LRP1B: variants seen among roughly 807,000 people sequenced by gnomAD.
LRP1B encodes low-density lipoprotein receptor-related protein 1B.
A neutral mutation model predicts 556.6 loss-of-function variants in LRP1B; 217 were observed. That is an observed-to-expected ratio of 0.39 (90% CI 0.35 to 0.44). LRP1B has a LOEUF of 0.44. LRP1B is among the 20% of genes least tolerant of loss of function. The pLI is 1.00. For synonymous variants in LRP1B, 2,047 were observed against 1,865.8 expected (o/e 1.10, Z -2.50); for missense variants, 5,053 against 5,620.8 (o/e 0.90, Z 3.23).
intron 1 of LRP1B, among the ~76,000 whole-genome samples, chr2:142,045,143 A>G (rs200442593): frequency 0.041 from 156 of 3,766 alleles, 1 homozygote; most frequent in African/African-American, 0.053. Flanking sequence ...CCCAAGGGGG[A>G]AAAAAAAAAA....
intron 3 of LRP1B, among the ~76,000 whole-genome samples, chr2:141,389,220 C>T (rs569438812): frequency 6.6e-6 from 1 of 152,240 alleles, no homozygotes; most frequent in Admixed American, 6.5e-5. Flanking sequence ...CTGATTTCAA[C>T]ACTTACAATA....
chr2:141,418,203 T>C (rs1192390116), intron 3 of LRP1B, among the ~76,000 whole-genome samples: 1 of 152,178 alleles, frequency 6.6e-6, no homozygotes, highest in African/African-American at 2.4e-5. Context: ...TTCACTCTGT[T>C]GATTGTTTCC....
chr2:141,540,391 T>C (rs1685216182), intron 2 of LRP1B, among the ~76,000 whole-genome samples: 1 of 152,038 alleles, frequency 6.6e-6, no homozygotes, highest in Non-Finnish European at 1.5e-5. Flanking sequence ...ATAGATGCAT[T>C]TATAAGTGCA....
intron 6 of LRP1B, among the ~76,000 whole-genome samples, chr2:141,201,959 T>C (rs1345892755): frequency 6.6e-6 from 1 of 152,228 alleles, no homozygotes; most frequent in Non-Finnish European, 1.5e-5. Context: ...TTTATATTTA[T>C]TTTTTCAAGT....
chr2:140,664,758 A>G (rs1685210096), intron 41 of LRP1B, among the ~76,000 whole-genome samples: 1 of 152,038 alleles, frequency 6.6e-6, no homozygotes, highest in African/African-American at 2.4e-5. Flanking sequence ...ATTATATCCA[A>G]CGTTCTTAAG....
intron 2 of LRP1B, among the ~76,000 whole-genome samples, chr2:141,654,435 G>A (rs1689923310): frequency 6.6e-6 from 1 of 152,100 alleles, no homozygotes; most frequent in African/African-American, 2.4e-5. Context: ...AGCTAACAGG[G>A]AAATTTATTG....
At chr2:140,458,514 T>G (rs1009387617) in intron 60 of LRP1B, among the ~76,000 whole-genome samples, 6 of 152,088 alleles carry the variant, frequency 3.9e-5, no homozygotes, top group African/African-American at 1.4e-4. Context: ...TGACAAATAA[T>G]AAATGGAGAA....
chr2:141,126,659 T>C (rs1190286294), intron 7 of LRP1B, among the ~76,000 whole-genome samples: 1 of 152,160 alleles, frequency 6.6e-6, no homozygotes, highest in Admixed American at 6.5e-5. Context: ...TCCTTTACCT[T>C]TTCTTCACCC....
In LRP1B at chr2:140,345,879, A is replaced by ATATATATAT. The variant is rs1426120597; in HGVS notation, c.11892+4917_11892+4918insATATATATA. Among the ~76,000 whole-genome samples the ATATATATAT allele has an allele frequency of 6.7e-3, 925 of 137,356 alleles. 10 individuals carry two copies. The highest frequency in any genetic ancestry group is 0.012 in the Middle Eastern group (3 of 252). The allele number at this position is 137,356 out of a possible 152,430, so 90.1% of individuals were successfully genotyped here. On this transcript the variant is annotated intron_variant, in intron 77 of 90. Coordinates refer to ENST00000389484, the MANE Select transcript of LRP1B (RefSeq NM_018557.3). Reference sequence around the variant, plus strand: ...ACACACACATATATATATATATATAAAAAAAATAGCATTACTTCTTTCTCA... The same window carrying ATATATATAT: ...ACACACACATATATATATATATATAATATATATATAAAAAATAGCATTACTTCTTTCTCA...
At chr2:142,108,919 G>A (rs1574694244) in intron 1 of LRP1B, among the ~76,000 whole-genome samples, 1 of 152,074 alleles carries the variant, frequency 6.6e-6, no homozygotes, top group Non-Finnish European at 1.5e-5. Context: ...GCTAAAATTT[G>A]CTCTGTAGAA....
At chr2:141,662,481 G>A (rs1690258121) in intron 2 of LRP1B, among the ~76,000 whole-genome samples, 1 of 152,060 alleles carries the variant, frequency 6.6e-6, no homozygotes, top group African/African-American at 2.4e-5. Context: ...AAGGGATGGA[G>A]GAAAATGTAT....
chr2:140,900,309 A>C (rs2033290), intron 23 of LRP1B, among the ~76,000 whole-genome samples: 16,995 of 152,286 alleles, frequency 0.11, 1,379 homozygotes, highest in East Asian at 0.33. Context: ...GCCAATTCTC[A>C]TGTGAAATAT....
At chr2:141,677,803 C>A (rs1210523209) in intron 2 of LRP1B, among the ~76,000 whole-genome samples, 1 of 152,082 alleles carries the variant, frequency 6.6e-6, no homozygotes, top group Non-Finnish European at 1.5e-5. Context: ...TTTTCTTTTT[C>A]TTAAAAGCAT....
intron 3 of LRP1B, among the ~76,000 whole-genome samples, chr2:141,309,182 T>C (rs1016538702): frequency 1.3e-5 from 2 of 152,216 alleles, no homozygotes; most frequent in African/African-American, 4.8e-5. Context: ...TTTTCAACTA[T>C]AGATCAGATT....
At chr2:141,224,171 T>C (rs1243780176) in intron 6 of LRP1B, among the ~76,000 whole-genome samples, 4 of 144,462 alleles carry the variant, frequency 2.8e-5, no homozygotes, top group African/African-American at 1.0e-4. Flanking sequence ...CACACAAACA[T>C]TAAAAAGTGA....
At chr2:141,215,578 A>G (rs1366188602) in intron 6 of LRP1B, among the ~76,000 whole-genome samples, 3 of 152,182 alleles carry the variant, frequency 2.0e-5, no homozygotes, top group Non-Finnish European at 4.4e-5. Flanking sequence ...TGATACTAAT[A>G]TGGACAGTGA....
At chr2:141,586,770 G>A (rs1403522539) in intron 2 of LRP1B, among the ~76,000 whole-genome samples, 2 of 151,856 alleles carry the variant, frequency 1.3e-5, no homozygotes, top group Admixed American at 6.6e-5. Flanking sequence ...GTGAAACCCC[G>A]TCTCTACTAA....
chr2:141,486,609 A>G (rs1367968084), intron 2 of LRP1B, among the ~76,000 whole-genome samples: 2 of 151,694 alleles, frequency 1.3e-5, no homozygotes, highest in Non-Finnish European at 2.9e-5. Context: ...TAACCTCTCT[A>G]CCTTACACGG....
intron 82 of LRP1B, among the ~76,000 whole-genome samples, chr2:140,319,404 TGTGAGGGCAATGG>T (rs1377482292): frequency 6.6e-6 from 1 of 152,170 alleles, no homozygotes; most frequent in East Asian, 1.9e-4. Flanking sequence ...AGGAGGCACC[TGTGAGGGCAATGG>T]GTGAGGGATT....
Sources: gnomAD v4.1 joint callset for allele counts (sites outside exome capture counted in the v4.1 genomes callset) on GRCh38, gnomAD v4.1.1 for gene constraint, MANE v1.5 for transcripts, NCBI Gene and HGNC (gene_info 2026-07-23, HGNC 2026-07-21) for gene names.